The following KIF21A variants were observed in gnomAD, a reference collection of about 807,000 sequenced individuals.
KIF21A encodes kinesin-like protein KIF21A.
KIF21A carries 114 observed loss-of-function variants against 202.9 expected under a neutral mutation model. The observed-to-expected ratio is 0.56, with a 90% CI of 0.48 to 0.66. The LOEUF (loss-of-function observed/expected upper bound fraction) is 0.66. Among genes scored for constraint, KIF21A ranks in the 30% least tolerant of loss-of-function variants. The pLI, the probability that KIF21A is intolerant of heterozygous loss-of-function variation, is 0.00. For synonymous variants in KIF21A, 667 were observed against 670.8 expected, an observed-to-expected ratio of 0.99 and a Z score of 0.09; for missense variants, 1,677 against 1,994.9, an observed-to-expected ratio of 0.84 and a Z score of 3.04.
intron 1 of KIF21A, among the ~76,000 whole-genome samples, chr12:39,377,362 A>G (rs1950334004): frequency 6.6e-6 from 1 of 152,122 alleles, no homozygotes; most frequent in South Asian, 2.1e-4. Flanking sequence ...CCATTTCCCC[A>G]AAATTAGGAC....
intron 24 of KIF21A, among the ~76,000 whole-genome samples, chr12:39,329,499 A>C (rs1222471196): frequency 1.3e-5 from 2 of 152,110 alleles, no homozygotes; most frequent in African/African-American, 4.8e-5. Context: ...AAAGAAGAAG[A>C]GGAGGAGGAG....
chr12:39,426,638 C>T (rs1320835291), intron 1 of KIF21A, among the ~76,000 whole-genome samples: 16 of 150,838 alleles, frequency 1.1e-4, no homozygotes, highest in Non-Finnish European at 1.5e-4. Context: ...TTTGTGAGGC[C>T]GAGGTGGGCA....
chr12:39,379,794 A>T (rs1208814585), intron 1 of KIF21A, among the ~76,000 whole-genome samples: 3 of 152,160 alleles, frequency 2.0e-5, no homozygotes, highest in African/African-American at 7.2e-5. Flanking sequence ...GTGGTACAGT[A>T]GTCTACCTTC....
At chr12:39,348,048 G>C (rs1427181891) in intron 11 of KIF21A, among the ~76,000 whole-genome samples, 1 of 152,012 alleles carries the variant, frequency 6.6e-6, no homozygotes, top group Middle Eastern at 3.2e-3. Context: ...ACTTTTGTTA[G>C]CTTATACAAG....
chr12:39,361,607 G>A (rs1375365912), intron 7 of KIF21A, among the ~76,000 whole-genome samples: 3 of 64,626 alleles, frequency 4.6e-5, no homozygotes, highest in African/African-American at 1.0e-4. Context: ...CTGGGTTCAC[G>A]CCATTCTCCT....
In KIF21A at chr12:39,294,455, C is replaced by T. The variant is rs893438891; in HGVS notation, c.4994G>A (p.Gly1665Glu). 3 of 1,613,746 alleles carry T rather than the reference C, an allele frequency of 1.9e-6. No individual in the cohort carries two copies. Among genetic ancestry groups the T allele is most frequent in the Non-Finnish European group, 2.5e-6 (3 of 1,179,694 alleles). ...NLQDGQISDT[G>E]DLGEDIASN ...ACTGGCAATATCTTCCCCCAGATCT[C>T]CTGTGTCAGAGATCTGACCATCTTG... The change falls in exon 38 of 38, where the codon GGA becomes GAA. Residue 1665 changes from glycine (G) to glutamate (E), a missense_variant. By Grantham distance (98) the Gly-to-Glu change is moderately conservative. Transcript: ENST00000361418.
intron 37 of KIF21A, among the ~76,000 whole-genome samples, chr12:39,297,439 G>C (rs1942497638): frequency 1.3e-5 from 2 of 152,044 alleles, no homozygotes; most frequent in Admixed American, 1.3e-4. Flanking sequence ...CCTTTGTAGG[G>C]ACATGGATGA....
At chr12:39,323,338 A>AAAGAAG (rs140018069) in intron 26 of KIF21A, among the ~76,000 whole-genome samples, 1 of 151,910 alleles carries the variant, frequency 6.6e-6, no homozygotes, top group Non-Finnish European at 1.5e-5. Context: ...AAGAAAAGAA[A>AAAGAAG]AAGAAGAAGA....
chr12:39,372,984 C>A (rs1950055898), intron 1 of KIF21A, among the ~76,000 whole-genome samples: 1 of 152,124 alleles, frequency 6.6e-6, no homozygotes, highest in South Asian at 2.1e-4. Context: ...GTTATTTCCT[C>A]CCCCATCAAC....
chr12:39,295,112 G>C (rs927627936), intron 37 of KIF21A, among the ~76,000 whole-genome samples: 1 of 152,098 alleles, frequency 6.6e-6, no homozygotes, highest in South Asian at 2.1e-4. Context: ...AAATAAAGAG[G>C]CTATTGAGAA....
At position 39,311,560 on chromosome 12, in the gene KIF21A, TG is replaced by T; in HGVS notation, c.3960-8del. On this transcript the variant is annotated splice_region_variant and splice_polypyrimidine_tract_variant and intron_variant, in intron 31 of 37. Transcript: ENST00000361418. ...AAATGGGTTGATTATGCCCCTAAGG[TG>T]GGGAAAAAACAAACAAACCAAGACT... 1 of 1,612,488 alleles carries T rather than the reference TG, an allele frequency of 6.2e-7. No homozygotes were observed. The highest frequency in any genetic ancestry group is 1.1e-5 in the South Asian group (1 of 91,064).
chr12:39,377,475 T>C (rs1566046956), intron 1 of KIF21A, among the ~76,000 whole-genome samples: 1 of 152,164 alleles, frequency 6.6e-6, no homozygotes, highest in Non-Finnish European at 1.5e-5. Context: ...TAAGGAAGCA[T>C]CTGCCCTACT....
In KIF21A at chr12:39,406,117, C is replaced by A. The variant is rs11834193; in HGVS notation, c.45-35856G>T. ...AGAACAGAGCCTGAAAACAAACAAA[C>A]AAAAAAAATTATTCTATTCTCTAAC... On this transcript the variant is annotated intron_variant, in intron 1 of 37. Coordinates refer to ENST00000361418, the MANE Select transcript of KIF21A (RefSeq NM_001173464.2). 8.6e-3 allele frequency among the ~76,000 whole-genome samples: 1,301 copies of A among 151,000 alleles called. 12 individuals are homozygous for A. The highest frequency in any genetic ancestry group is 0.021 in the African/African-American group (876 of 41,216).
chr12:39,437,286 G>A (rs970289377), intron 1 of KIF21A, among the ~76,000 whole-genome samples: 2 of 152,176 alleles, frequency 1.3e-5, no homozygotes, highest in Non-Finnish European at 2.9e-5. Flanking sequence ...AAGAGCTCAA[G>A]GGGTAGTAAT....
At chr12:39,357,020 A>T (rs553985280) in intron 9 of KIF21A, 125 bp from the exon 10 acceptor site, 1 of 663,462 alleles carries the variant, frequency 1.5e-6, no homozygotes, top group African/African-American at 1.8e-5. Context: ...CAAATTTTCT[A>T]CCCTTTATTA....
intron 3 of KIF21A, among the ~76,000 whole-genome samples, chr12:39,368,399 A>G (rs1165430177): frequency 1.3e-5 from 2 of 152,168 alleles, no homozygotes; most frequent in East Asian, 1.9e-4. Flanking sequence ...AATTTTTACT[A>G]CTTGAGCTAA....
At chr12:39,371,476 T>A (rs569478784) in intron 1 of KIF21A, among the ~76,000 whole-genome samples, 1 of 152,170 alleles carries the variant, frequency 6.6e-6, no homozygotes, top group Non-Finnish European at 1.5e-5. Flanking sequence ...GATATGTTCA[T>A]AACAGAACAA....
At chr12:39,424,529 T>C (rs1170216169) in intron 1 of KIF21A, among the ~76,000 whole-genome samples, 1 of 152,226 alleles carries the variant, frequency 6.6e-6, no homozygotes, top group African/African-American at 2.4e-5. Flanking sequence ...TTGACATCTT[T>C]ATTAGAATGT....
intron 1 of KIF21A, among the ~76,000 whole-genome samples, chr12:39,390,698 A>AAT (rs922936123): frequency 3.0e-4 from 45 of 152,112 alleles, no homozygotes; most frequent in South Asian, 8.3e-4. Flanking sequence ...GAAGGAAAAA[A>AAT]ATATATATAT....
Sources: gnomAD v4.1 joint callset for allele counts (sites outside exome capture counted in the v4.1 genomes callset) on GRCh38, gnomAD v4.1.1 for gene constraint, MANE v1.5 for transcripts, NCBI Gene and HGNC (gene_info 2026-07-23, HGNC 2026-07-21) for gene names.